The following TTC23L variants were observed in gnomAD, a reference collection of about 807,000 sequenced individuals.
TTC23L encodes tetratricopeptide repeat protein 23-like.
In TTC23L, 42 loss-of-function variants were observed where a neutral mutation model predicts 48.1. The ratio of observed to expected loss-of-function variants is 0.87; its 90% confidence interval spans 0.68 to 1.13. The LOEUF is 1.13. Ranked by LOEUF, TTC23L falls within the 50% of genes most tolerant of loss-of-function variation. The pLI is 0.00. For missense variants in TTC23L, 391 were observed against 421.0 expected (o/e 0.93, Z 0.62); for synonymous variants, 159 against 157.2 (o/e 1.01, Z -0.09).
intron 9 of TTC23L, among the ~76,000 whole-genome samples, chr5:34,891,750 A>G (rs894152993): frequency 2.6e-5 from 4 of 152,244 alleles, no homozygotes; most frequent in East Asian, 1.9e-4. Flanking sequence ...ACACTTCAGA[A>G]TATCTGGAAT....
intron 8 of TTC23L, among the ~76,000 whole-genome samples, chr5:34,870,736 C>T (rs967420921): frequency 1.3e-5 from 2 of 152,090 alleles, no homozygotes; most frequent in African/African-American, 2.4e-5. Context: ...ATACCATGAT[C>T]AAGTGAGATC....
At chr5:34,923,205 G>C in the TTC23L span, 3 of 1,613,782 alleles carry the variant, frequency 1.9e-6, no homozygotes, top group Non-Finnish European at 2.5e-6. Context: ...CACCATTTTG[G>C]ATAATAGGAT....
intron 8 of TTC23L, among the ~76,000 whole-genome samples, chr5:34,872,004 A>G (rs559741531): frequency 6.6e-6 from 1 of 152,282 alleles, no homozygotes; most frequent in South Asian, 2.1e-4. Context: ...TAGGCTTTAA[A>G]AAAGTACCAA....
At chr5:34,878,670 T>C (rs1762018655) in intron 8 of TTC23L, among the ~76,000 whole-genome samples, 1 of 152,096 alleles carries the variant, frequency 6.6e-6, no homozygotes. Flanking sequence ...GTGGCTATTA[T>C]GAAAAAGACA....
At chr5:34,904,567 C>A in the TTC23L span, among the ~76,000 whole-genome samples, 4 of 150,524 alleles carry the variant, frequency 2.7e-5, no homozygotes, top group South Asian at 8.5e-4. Flanking sequence ...GCACTCCAGC[C>A]TGGCAACAGA....
At chr5:34,882,572 G>A (rs543198809) in intron 9 of TTC23L, among the ~76,000 whole-genome samples, 1 of 149,698 alleles carries the variant, frequency 6.7e-6, no homozygotes, top group East Asian at 2.0e-4. Flanking sequence ...CTGTCCTAGA[G>A]GACCATAACA....
At chr5:34,851,068 T>C (rs1453604937) in intron 4 of TTC23L, among the ~76,000 whole-genome samples, 1 of 152,186 alleles carries the variant, frequency 6.6e-6, no homozygotes, top group Non-Finnish European at 1.5e-5. Context: ...TAAATGCTTC[T>C]TCCTCTGACA....
chr5:34,923,116 T>TA, the TTC23L span: 3 of 1,602,002 alleles, frequency 1.9e-6, no homozygotes, highest in Admixed American at 5.0e-5. Context: ...GGAACTAACA[T>TA]ACACTTTTTT....
chr5:34,842,007 A>G (rs1287783940), intron 2 of TTC23L, among the ~76,000 whole-genome samples: 1 of 152,190 alleles, frequency 6.6e-6, no homozygotes, highest in African/African-American at 2.4e-5. Context: ...ATGTCTCTAG[A>G]TGCTGCCAGA....
intron 1 of TTC23L, among the ~76,000 whole-genome samples, chr5:34,840,250 G>GA (rs1554016489): frequency 2.8e-5 from 3 of 108,148 alleles, no homozygotes; most frequent in Admixed American, 1.7e-4. Context: ...GGGGGGGGGG[G>GA]AAAGCAGAAT....
intron 9 of TTC23L, among the ~76,000 whole-genome samples, chr5:34,894,164 ATT>A (rs1763054980): frequency 6.6e-6 from 1 of 152,110 alleles, no homozygotes; most frequent in South Asian, 2.1e-4. Flanking sequence ...ACTTCTAAGA[ATT>A]TGTCTTTTGA....
At chr5:34,891,029 A>G (rs1341577901) in intron 9 of TTC23L, among the ~76,000 whole-genome samples, 2 of 152,220 alleles carry the variant, frequency 1.3e-5, no homozygotes, top group African/African-American at 2.4e-5. Context: ...ACGTTTTCTG[A>G]AAGTTAATGA....
chr5:34,853,424 G>A (rs1313424478), intron 4 of TTC23L, among the ~76,000 whole-genome samples: 6 of 152,058 alleles, frequency 3.9e-5, no homozygotes, highest in East Asian at 1.9e-4. Context: ...CTAGCTACTC[G>A]GGAGGCTGAG....
the TTC23L span, among the ~76,000 whole-genome samples, chr5:34,913,239 C>A: frequency 1.3e-5 from 2 of 151,828 alleles, no homozygotes; most frequent in African/African-American, 4.8e-5. Context: ...ATTTACAATC[C>A]CTCAAAGCCT....
chr5:34,855,945 T>C lies in TTC23L; in HGVS notation c.379+5637T>C, dbSNP rs377475245. Among the ~76,000 whole-genome samples the C allele has an allele frequency of 2.6e-5, 4 of 152,218 alleles. No individual in the cohort carries two copies. In the East Asian group the frequency reaches 5.8e-4, roughly 22 times the overall value. The stretch of plus-strand genomic sequence containing the variant: ...ACCTCTCAGTGTTTACTTTTTCTTA[T>C]AATTTTTAACTTTTCAACGATAGAA... On this transcript the variant is annotated intron_variant, in intron 4 of 10. Coordinates refer to ENST00000505624, the Ensembl canonical transcript of TTC23L.
intron 3 of TTC23L, among the ~76,000 whole-genome samples, chr5:34,846,447 C>T (rs1184220123): frequency 2.0e-5 from 3 of 149,806 alleles, no homozygotes; most frequent in African/African-American, 7.4e-5. Context: ...GTAATCCCAG[C>T]TACTTGGGAG....
chr5:34,886,619 C>T (rs551000914), intron 9 of TTC23L, among the ~76,000 whole-genome samples: 3 of 152,260 alleles, frequency 2.0e-5, no homozygotes, highest in South Asian at 4.1e-4. Flanking sequence ...GATGTATGTA[C>T]ATATGTATGC....
At chr5:34,913,986 G>A in the TTC23L span, 4 of 456,724 alleles carry the variant, frequency 8.8e-6, no homozygotes, top group South Asian at 3.1e-5. Context: ...TCGGTCTCCT[G>A]AGCAGCTGGA....
intron 4 of TTC23L, among the ~76,000 whole-genome samples, chr5:34,858,191 G>C (rs1380071538): frequency 6.6e-6 from 1 of 152,216 alleles, no homozygotes; most frequent in Non-Finnish European, 1.5e-5. Flanking sequence ...TGCACTGTCA[G>C]TGCAGGTAGA....
Sources: gnomAD v4.1 joint callset for allele counts (sites outside exome capture counted in the v4.1 genomes callset) on GRCh38, gnomAD v4.1.1 for gene constraint, MANE v1.5 for transcripts, NCBI Gene and HGNC (gene_info 2026-07-23, HGNC 2026-07-21) for gene names.